EYA1: variants seen among roughly 807,000 people sequenced by gnomAD.
EYA1 encodes EYA transcriptional coactivator and phosphatase 1.
In EYA1, 16 loss-of-function variants were observed where a neutral mutation model predicts 82.0. That is an observed-to-expected ratio of 0.20 (90% CI 0.13 to 0.30). The LOEUF (loss-of-function observed/expected upper bound fraction) is 0.30, where lower values mean the gene tolerates loss of function less well. Ranked by LOEUF, EYA1 falls within the 10% of genes least tolerant of loss-of-function variation. EYA1 has a pLI of 1.00. For synonymous variants in EYA1, 261 were observed against 264.4 expected (o/e 0.99, Z 0.12); for missense variants, 633 against 730.7 (o/e 0.87, Z 1.54).
At chr8:71,540,140 C>A (rs1815031405) in intron 1 of EYA1, among the ~76,000 whole-genome samples, 2 of 147,938 alleles carry the variant, frequency 1.4e-5, no homozygotes, top group Admixed American at 6.8e-5. Flanking sequence ...AAAAAAAAAT[C>A]TATTCTGTGC....
At chr8:71,314,287 G>A (rs1821664051) in intron 7 of EYA1, among the ~76,000 whole-genome samples, 1 of 152,156 alleles carries the variant, frequency 6.6e-6, no homozygotes. Flanking sequence ...ATAATGAGAA[G>A]CAGTATACAT....
At chr8:71,199,654 A>C (rs2128802493) in intron 17 of EYA1, among the ~76,000 whole-genome samples, 1 of 147,308 alleles carries the variant, frequency 6.8e-6, no homozygotes, top group South Asian at 2.2e-4. Context: ...AAGGGGATGG[A>C]TATTTCCTAA....
intron 2 of EYA1, among the ~76,000 whole-genome samples, chr8:71,394,333 T>G (rs1829457483): frequency 1.3e-5 from 2 of 152,242 alleles, no homozygotes; most frequent in South Asian, 4.1e-4. Context: ...TTGTTGCCAT[T>G]GCTTTTGGTG....
intron 2 of EYA1, among the ~76,000 whole-genome samples, chr8:71,400,663 T>A (rs1297899618): frequency 1.3e-5 from 2 of 152,150 alleles, no homozygotes; most frequent in Non-Finnish European, 2.9e-5. Flanking sequence ...TGTGGAGCAA[T>A]AGGAATGCTT....
Position 71,242,172 on chromosome 8 carries a change from C to T in EYA1, c.1140+2431G>A, listed in dbSNP as rs1331469555. ...AGTGAGCTGAGATGGTGCCACTGCACTCCAGCCTGGATGACAGAGCAAGAC... is the reference window on the plus strand; with the variant it reads ...AGTGAGCTGAGATGGTGCCACTGCATTCCAGCCTGGATGACAGAGCAAGAC... On this transcript the variant is annotated intron_variant, in intron 12 of 17. Transcript: ENST00000340726. Among the ~76,000 whole-genome samples, 5 of 152,076 alleles carry T rather than the reference C, an allele frequency of 3.3e-5. No individual in the cohort carries two copies. The East Asian group carries it at 9.7e-4, about 29-fold the overall frequency.
chr8:71,377,390 C>A (rs1828436433), intron 2 of EYA1, among the ~76,000 whole-genome samples: 1 of 152,148 alleles, frequency 6.6e-6, no homozygotes, highest in African/African-American at 2.4e-5. Flanking sequence ...TCCATCTGGG[C>A]TCAGCCAATC....
intron 2 of EYA1, among the ~76,000 whole-genome samples, chr8:71,450,053 T>C (rs750359154): frequency 4.6e-5 from 7 of 152,242 alleles, no homozygotes; most frequent in East Asian, 3.8e-4. Flanking sequence ...CTTAAGGGAA[T>C]GTTGTAGCTA....
chr8:71,321,429 C>T (rs1822530928), intron 6 of EYA1, among the ~76,000 whole-genome samples: 1 of 152,134 alleles, frequency 6.6e-6, no homozygotes, highest in Non-Finnish European at 1.5e-5. Flanking sequence ...CAAATATGCA[C>T]AAAAATATTT....
intron 7 of EYA1, among the ~76,000 whole-genome samples, chr8:71,314,022 C>T (rs528133839): frequency 2.8e-4 from 43 of 152,086 alleles, no homozygotes; most frequent in Admixed American, 6.5e-4. Context: ...AAAGATTTCC[C>T]GGAAATAAAG....
At chr8:71,539,505 G>A (rs953838696) in intron 1 of EYA1, among the ~76,000 whole-genome samples, 1 of 152,194 alleles carries the variant, frequency 6.6e-6, no homozygotes, top group African/African-American at 2.4e-5. Flanking sequence ...ATGAGGAACA[G>A]CAGAAGGCCT....
At chr8:71,219,383 A>G (rs1357650902) in intron 12 of EYA1, among the ~76,000 whole-genome samples, 2 of 152,230 alleles carry the variant, frequency 1.3e-5, no homozygotes, top group African/African-American at 4.8e-5. Flanking sequence ...AAGAGATTTA[A>G]AAATCAAGAG....
intron 11 of EYA1, among the ~76,000 whole-genome samples, chr8:71,251,248 T>C (rs548755427): frequency 9.5e-4 from 145 of 152,336 alleles, no homozygotes; most frequent in African/African-American, 3.3e-3. Context: ...AATTGAATAG[T>C]ACAGTGAAGA....
chr8:71,440,469 A>G (rs1237473190), intron 2 of EYA1, among the ~76,000 whole-genome samples: 1 of 152,174 alleles, frequency 6.6e-6, no homozygotes, highest in Middle Eastern at 3.2e-3. Context: ...CTAATTAGAC[A>G]TGGGAAATGG....
chr8:71,343,032 G>T (rs6989944), intron 3 of EYA1, among the ~76,000 whole-genome samples: 2,334 of 152,206 alleles, frequency 0.015, 67 homozygotes, highest in African/African-American at 0.053. Flanking sequence ...ACAAAGAGAA[G>T]GAGGTTTTAT....
chr8:71,391,365 T>C (rs1366482876), intron 2 of EYA1, among the ~76,000 whole-genome samples: 1 of 152,184 alleles, frequency 6.6e-6, no homozygotes, highest in Non-Finnish European at 1.5e-5. Flanking sequence ...GTGTTTATCT[T>C]TCTAGCAACT....
intron 12 of EYA1, among the ~76,000 whole-genome samples, chr8:71,220,046 G>C (rs779328133): frequency 6.6e-6 from 1 of 152,140 alleles, no homozygotes; most frequent in Non-Finnish European, 1.5e-5. Context: ...TCTGGGCACC[G>C]TGAACCAACA....
intron 11 of EYA1, among the ~76,000 whole-genome samples, chr8:71,259,305 T>G (rs1009051225): frequency 6.6e-6 from 1 of 152,140 alleles, no homozygotes; most frequent in African/African-American, 2.4e-5. Flanking sequence ...ATTACACAGA[T>G]GCCAAAGAGC....
At chr8:71,453,926 C>A (rs930215390) in intron 2 of EYA1, among the ~76,000 whole-genome samples, 5 of 152,022 alleles carry the variant, frequency 3.3e-5, no homozygotes, top group African/African-American at 9.7e-5. Context: ...AACAATATTA[C>A]CCTTAAATGT....
At chr8:71,334,758 G>A (rs1824293419) in intron 3 of EYA1, among the ~76,000 whole-genome samples, 1 of 152,170 alleles carries the variant, frequency 6.6e-6, no homozygotes, top group Non-Finnish European at 1.5e-5. Context: ...TTTTATGTAT[G>A]CTTCGTACCA....
Sources: gnomAD v4.1 joint callset for allele counts (sites outside exome capture counted in the v4.1 genomes callset) on GRCh38, gnomAD v4.1.1 for gene constraint, MANE v1.5 for transcripts, NCBI Gene and HGNC (gene_info 2026-07-23, HGNC 2026-07-21) for gene names.